Variants in SRSF7 observed in about 807,000 individuals in gnomAD.
The protein encoded by SRSF7 is serine and arginine rich splicing factor 7.
A neutral mutation model predicts 42.2 loss-of-function variants in SRSF7; 15 were observed. The ratio of observed to expected loss-of-function variants is 0.36; its 90% CI spans 0.24 to 0.55. The LOEUF is 0.55. Among genes scored for constraint, SRSF7 ranks in the 20% least tolerant of loss-of-function variants. SRSF7 has a pLI of 0.88. For missense variants in SRSF7, 181 were observed against 305.9 expected (o/e 0.59, Z 3.04); for synonymous variants, 138 against 107.9 (o/e 1.28, Z -1.73).
chr2:38,751,085 G>A (rs759705993), intron 1 of SRSF7, 144 bp downstream of exon 1: 9 of 1,073,368 alleles, frequency 8.4e-6, no homozygotes, highest in African/African-American at 3.1e-5. Flanking sequence ...CCCCGCCTCC[G>A]CTGCCTCCGG....
chr2:38,748,629 T>G lies in SRSF7; in HGVS notation c.411A>C (p.Arg137=). The stretch of plus-strand genomic sequence containing the variant: ...AGCGAGAGTATCGCCTTCCTCTGGA[T>G]CGAGAATGTGATCTAGACCGTGACC... ...RSRSRSRSHS[R]SRGRRYSRSR... The change falls in exon 4 of 8, where the codon CGA becomes CGC. Residue 137 remains arginine (R), a synonymous_variant. Coordinates refer to ENST00000313117, the MANE Select transcript of SRSF7 (RefSeq NM_001031684.3). 5 of 1,614,068 alleles carry G rather than the reference T, an allele frequency of 3.1e-6. No individual in the cohort carries two copies. The highest frequency in any genetic ancestry group is 4.2e-6 in the Non-Finnish European group (5 of 1,180,028).
chr2:38,751,391 T>G (rs903738173), upstream of SRSF7: 14 of 1,162,008 alleles, frequency 1.2e-5, no homozygotes, highest in Middle Eastern at 2.0e-4. Context: ...CGTTTATATA[T>G]GCGGCCGCTG....
chr2:38,747,174 T>C (rs1180748258), intron 5 of SRSF7: 4 of 454,710 alleles, frequency 8.8e-6, no homozygotes, highest in South Asian at 4.7e-5. Flanking sequence ...CTGAGACTAA[T>C]TCAGGTGATA....
Position 38,749,010 on chromosome 2 carries a change from A to AT in SRSF7, c.387-358dup. On this transcript the variant is annotated intron_variant, in intron 3 of 7. Coordinates refer to ENST00000313117, the MANE Select transcript of SRSF7 (RefSeq NM_001031684.3). ...AGATGTTTTCTTCAATCTAACGACG[A>AT]TCAAACTGACAGCCAAATGAGCCAG... The AT allele has an allele frequency of 3.1e-6, 4 of 1,291,710 alleles. No homozygotes were observed. In the South Asian group the frequency reaches 5.3e-5, roughly 17 times the overall value. The allele number at this position is 1,291,710 out of a possible 1,614,324, so 80.0% of individuals were successfully genotyped here.
At position 38,749,720 on chromosome 2, in the gene SRSF7, T is replaced by A. The variant is rs1667990649; in HGVS notation, c.210-15A>T. On this transcript the variant is annotated splice_polypyrimidine_tract_variant and intron_variant, in intron 2 of 7. Coordinates refer to ENST00000313117, the MANE Select transcript of SRSF7 (RefSeq NM_001031684.3). ...CACAAATCACCCTAATAAAAGCAAA[T>A]TAACAAAATTCTAAAGTTAAAAATA... 1 of 1,523,668 alleles carries A rather than the reference T, an allele frequency of 6.6e-7. No individual in the cohort carries two copies. The highest frequency in any genetic ancestry group is 8.8e-7 in the Non-Finnish European group (1 of 1,140,192). The allele number at this position is 1,523,668 out of a possible 1,614,324, so 94.4% of individuals were successfully genotyped here. A position where few individuals can be genotyped will look rare whatever the true frequency, so the allele number is the denominator to read the frequency against.
chr2:38,743,926 G>C lies in SRSF7; in HGVS notation c.*1207C>G. 1 of 150,912 alleles carries C rather than the reference G, an allele frequency of 6.6e-6. No individual in the cohort carries two copies. Among genetic ancestry groups the C allele is most frequent in the East Asian group, 1.9e-4 (1 of 5,140 alleles). The allele number at this position is 150,912 out of a possible 1,614,324, so 9.3% of individuals were successfully genotyped here. ...TTTTTTTTTTTGTACCAAGGCTAGAGAATGCCTGGTAAAAGCTTGACCAGA... is the reference window on the plus strand; with the variant it reads ...TTTTTTTTTTTGTACCAAGGCTAGACAATGCCTGGTAAAAGCTTGACCAGA... On this transcript the variant is annotated 3_prime_UTR_variant, in exon 8 of 8. Transcript: ENST00000313117.
In SRSF7 at chr2:38,751,262, C is replaced by T; in HGVS notation, c.-6G>A. ...TACCGCCCGTAACGCGACATGATGA[C>T]AGACCCGCGTGCTCGGCTCTTTAGC... On this transcript the variant is annotated 5_prime_UTR_variant, in exon 1 of 8. Coordinates refer to ENST00000313117, the MANE Select transcript of SRSF7 (RefSeq NM_001031684.3). 1.1e-5 allele frequency: 18 copies of T among 1,614,062 alleles called. No individual in the cohort carries two copies. Among genetic ancestry groups the T allele is most frequent in the Non-Finnish European group, 1.5e-5 (18 of 1,180,010 alleles).
At chr2:38,749,230 T>C (rs1473536426) in intron 3 of SRSF7, 1 of 1,369,594 alleles carries the variant, frequency 7.3e-7, no homozygotes, top group Non-Finnish European at 9.7e-7. Flanking sequence ...TGGCCTCTTA[T>C]GCTGATCACC....
chr2:38,750,477 C>A (rs562638063), intron 1 of SRSF7, among the ~76,000 whole-genome samples: 1 of 151,734 alleles, frequency 6.6e-6, no homozygotes, highest in African/African-American at 2.4e-5. Context: ...CGGAACCTGG[C>A]CCGGCCCCAC....
At chr2:38,750,363 T>C (rs3134629) in intron 1 of SRSF7, among the ~76,000 whole-genome samples, 169 bp from the exon 2 acceptor site, 94,855 of 151,722 alleles carry the variant, frequency 0.63, 31,196 homozygotes, top group East Asian at 0.88. Context: ...CGCAAATCCC[T>C]GAGAAACTAG....
At chr2:38,749,269 G>A (rs1667931798) in intron 3 of SRSF7, 1 of 1,433,292 alleles carries the variant, frequency 7.0e-7, no homozygotes, top group Non-Finnish European at 9.3e-7. Context: ...TTAATTGTCG[G>A]ATTTGCAAGG....
rs111439085 is a variant in SRSF7 at position 38,748,223 on chromosome 2, C to A, written c.462-66G>T. On this transcript the variant is annotated intron_variant, in intron 4 of 7. Coordinates refer to ENST00000313117, the MANE Select transcript of SRSF7 (RefSeq NM_001031684.3). ...TTTTTTTGGCCTGTTAAGACTTCAA[C>A]TGGGGAACGGTGCAGTGGCTCATGC... The A allele has an allele frequency of 5.6e-6, 7 of 1,251,052 alleles. No homozygotes were observed. In the East Asian group the frequency reaches 1.2e-4, roughly 22 times the overall value. The allele number at this position is 1,251,052 out of a possible 1,614,324, so 77.5% of individuals were successfully genotyped here. A position where few individuals can be genotyped will look rare whatever the true frequency, so the allele number is the denominator to read the frequency against.
intron 3 of SRSF7, 105 bp from the exon 4 acceptor site, chr2:38,748,758 G>C: frequency 7.6e-7 from 1 of 1,316,668 alleles, no homozygotes. Flanking sequence ...TAAATTTAGT[G>C]TCTCATTTGG....
chr2:38,748,248 C>G (rs1667777124), intron 4 of SRSF7, 91 bp from the exon 5 acceptor site: 1 of 933,868 alleles, frequency 1.1e-6, no homozygotes, highest in East Asian at 2.6e-5. Context: ...GTGGCTCATG[C>G]CCATAATCCC....
chr2:38,751,019 C>G, intron 1 of SRSF7: 1 of 595,404 alleles, frequency 1.7e-6, no homozygotes, highest in Admixed American at 2.9e-5. Flanking sequence ...ACAAAAATGC[C>G]CAAGAGTACG....
upstream of SRSF7, chr2:38,751,471 G>C: frequency 1.6e-6 from 1 of 613,770 alleles, no homozygotes; most frequent in Non-Finnish European, 2.9e-6. Context: ...GCCAAGAAAC[G>C]ACGCGGAAGG....
At chr2:38,748,272 G>C in intron 4 of SRSF7, 115 bp from the exon 5 acceptor site, 2 of 781,052 alleles carry the variant, frequency 2.6e-6, no homozygotes, top group Non-Finnish European at 2.1e-6. Context: ...ACTGCGGGAG[G>C]ATCGTTTGAG....
intron 1 of SRSF7, 126 bp downstream of exon 1, chr2:38,751,103 T>A (rs926100161): frequency 7.7e-7 from 1 of 1,298,460 alleles, no homozygotes; most frequent in Non-Finnish European, 1.1e-6. Flanking sequence ...CGGCTTCGTC[T>A]GGCGTGCTCC....
chr2:38,749,364 G>A (rs1348202253), intron 3 of SRSF7, 165 bp downstream of exon 3: 4 of 1,541,572 alleles, frequency 2.6e-6, no homozygotes, highest in Non-Finnish European at 3.5e-6. Context: ...GTTTTGACCA[G>A]GTTGATTATT....
Sources: gnomAD v4.1 joint callset for allele counts (sites outside exome capture counted in the v4.1 genomes callset) on GRCh38, gnomAD v4.1.1 for gene constraint, MANE v1.5 for transcripts, NCBI Gene and HGNC (gene_info 2026-07-23, HGNC 2026-07-21) for gene names.